SEC14L2: variants seen among roughly 807,000 people sequenced by gnomAD.
The protein encoded by SEC14L2 is SEC14 like lipid binding 2.
A neutral mutation model predicts 56.9 loss-of-function variants in SEC14L2; 50 were observed. That is an observed-to-expected ratio of 0.88 (90% CI 0.70 to 1.11). The LOEUF is 1.11. SEC14L2 is among the 50% of genes most tolerant of loss of function. The pLI is 0.00. For missense variants in SEC14L2, 414 were observed against 500.7 expected (o/e 0.83, Z 1.65); for synonymous variants, 179 against 188.5 (o/e 0.95, Z 0.41).
chr22:30,414,215 C>A (rs1203812451), intron 8 of SEC14L2, among the ~76,000 whole-genome samples: 1 of 152,170 alleles, frequency 6.6e-6, no homozygotes, highest in Non-Finnish European at 1.5e-5. Flanking sequence ...TCCAGCTGGA[C>A]TGGGGGAAGA....
chr22:30,411,764 G>A (rs1474084069), intron 8 of SEC14L2, among the ~76,000 whole-genome samples: 1 of 49,212 alleles, frequency 2.0e-5, no homozygotes, highest in Non-Finnish European at 4.2e-5. Context: ...AAAAAAAAGG[G>A]GTCCCTTGAA....
Position 30,415,837 on chromosome 22 carries a change from C to A in SEC14L2, c.743C>A (p.Pro248His). 1 of 1,614,186 alleles carries A rather than the reference C, an allele frequency of 6.2e-7. No homozygotes were observed. The highest frequency in any genetic ancestry group is 1.3e-5 in the African/African-American group (1 of 75,010). ...PVEYGGTMTD[P>H]DGNPKCKSKI... ...GAGTATGGGGGCACCATGACTGACC[C>A]TGATGGAAACCCCAAGTGCAAATCC... Residue 248 changes from proline to histidine, a missense_variant, in exon 9 of 12, where the codon CCT (proline) becomes CAT (histidine). Transcript: ENST00000615189.
intron 3 of SEC14L2, among the ~76,000 whole-genome samples, chr22:30,406,607 C>T: frequency 6.6e-6 from 1 of 152,164 alleles, no homozygotes; most frequent in East Asian, 1.9e-4. Flanking sequence ...CTGCTAAGAC[C>T]TCTAAAACAG....
rs1309046654 is a variant in SEC14L2, at chr22:30,399,372, A to G, written c.55-271A>G. On this transcript the variant is annotated intron_variant, in intron 1 of 11. Transcript: ENST00000615189. ...TCTACTAAAAATACAAAAAATAGCCAGGCGTGTTGGCAGGCCCCTGTAGTC... is the reference window on the plus strand; with the variant it reads ...TCTACTAAAAATACAAAAAATAGCCGGGCGTGTTGGCAGGCCCCTGTAGTC... 2.6e-5 allele frequency among the ~76,000 whole-genome samples: 4 copies of G among 151,930 alleles called. 1 individual carries two copies. The highest frequency in any genetic ancestry group is 2.6e-4 in the Admixed American group (4 of 15,246).
intron 5 of SEC14L2, among the ~76,000 whole-genome samples, chr22:30,408,761 G>A (rs1213526827): frequency 2.0e-5 from 3 of 152,212 alleles, no homozygotes; most frequent in South Asian, 2.1e-4. Context: ...CCTACTGTGC[G>A]CAGAGACCCT....
Position 30,409,371 on chromosome 22 carries a change from G to C in SEC14L2, c.520-55G>C. The C allele has an allele frequency of 3.1e-6, 5 of 1,605,550 alleles. No homozygotes were observed. The South Asian group carries it at 5.5e-5, about 18-fold the overall frequency. On this transcript the variant is annotated intron_variant, in intron 6 of 11. Coordinates refer to ENST00000615189, the MANE Select transcript of SEC14L2 (RefSeq NM_012429.5). Reference sequence around the variant, plus strand: ...TAGGCTGTCCTGTGGGATGGGTGAGGCAATGGGGGCAGATTCTGAGCCTGC... The same window carrying C: ...TAGGCTGTCCTGTGGGATGGGTGAGCCAATGGGGGCAGATTCTGAGCCTGC...
At chr22:30,416,939 C>T in intron 11 of SEC14L2, 2 of 805,612 alleles carry the variant, frequency 2.5e-6, no homozygotes, top group Non-Finnish European at 3.0e-6. Flanking sequence ...TCTCTCTTAA[C>T]TTTGTAATAC....
At chr22:30,407,237 C>A in intron 4 of SEC14L2, 83 bp downstream of exon 4, 1 of 1,546,150 alleles carries the variant, frequency 6.5e-7, no homozygotes, top group Non-Finnish European at 8.9e-7. Context: ...GGATTTGGAT[C>A]CTTAGAGGAA....
intron 8 of SEC14L2, among the ~76,000 whole-genome samples, chr22:30,413,688 T>C (rs1427763631): frequency 1.3e-5 from 2 of 152,074 alleles, no homozygotes; most frequent in East Asian, 3.8e-4. Flanking sequence ...ACACGAGAAT[T>C]GGAGATTTTC....
chr22:30,409,356 T>C, intron 6 of SEC14L2, 70 bp from the exon 7 acceptor site: 2 of 1,605,208 alleles, frequency 1.2e-6, no homozygotes, highest in Non-Finnish European at 1.7e-6. Context: ...TAGGCTGTCC[T>C]GTGGGATGGG....
intron 2 of SEC14L2, among the ~76,000 whole-genome samples, chr22:30,402,740 G>T (rs200105871): frequency 6.3e-5 from 9 of 143,630 alleles, no homozygotes; most frequent in South Asian, 4.4e-4. Flanking sequence ...TCTCAATTGG[G>T]TTTTTTTTTT....
chr22:30,400,335 A>G (rs1041590765), intron 2 of SEC14L2: 1 of 152,372 alleles, frequency 6.6e-6, no homozygotes, highest in Admixed American at 6.5e-5. Flanking sequence ...ATACTTCCCT[A>G]GGATCCTCCT....
chr22:30,398,812 G>A (rs756106619), intron 1 of SEC14L2: 18 of 469,656 alleles, frequency 3.8e-5, no homozygotes, highest in Non-Finnish European at 8.8e-6. Flanking sequence ...GACTCAGACA[G>A]ACCCGGGTTT....
chr22:30,400,304 G>A (rs1055720711), intron 2 of SEC14L2: 2 of 152,814 alleles, frequency 1.3e-5, no homozygotes, highest in Admixed American at 6.5e-5. Flanking sequence ...CAGCCTGGCT[G>A]TGGTGCCTTG....
chr22:30,404,009 C>CAAAAAAAAAAAAAAAAAAAAAAAAAAA, intron 2 of SEC14L2, among the ~76,000 whole-genome samples: 1 of 93,222 alleles, frequency 1.1e-5, no homozygotes, highest in Non-Finnish European at 2.1e-5. Flanking sequence ...GACTCCGTCT[C>CAAAAAAAAAAAAAAAAAAAAAAAAAAA]AAAAAAAAAA....
intron 8 of SEC14L2, among the ~76,000 whole-genome samples, chr22:30,412,685 T>A (rs956190464): frequency 6.6e-6 from 1 of 150,796 alleles, no homozygotes; most frequent in Non-Finnish European, 1.5e-5. Context: ...TTAGCCAGGT[T>A]TGGTGGTGTG....
intron 8 of SEC14L2, among the ~76,000 whole-genome samples, chr22:30,414,777 AAAG>A (rs1263619538): frequency 1.3e-5 from 2 of 152,178 alleles, no homozygotes; most frequent in African/African-American, 4.8e-5. Context: ...AAAAAAAAAA[AAAG>A]AGCCAAATTA....
chr22:30,410,718 C>G (rs759146532), intron 8 of SEC14L2, 39 bp downstream of exon 8: 2 of 1,582,310 alleles, frequency 1.3e-6, no homozygotes, highest in African/African-American at 2.7e-5. Flanking sequence ...AAAGGAGGGT[C>G]TGTAGCCTAA....
intron 8 of SEC14L2, among the ~76,000 whole-genome samples, chr22:30,414,198 C>G (rs1934327389): frequency 6.6e-6 from 1 of 152,164 alleles, no homozygotes; most frequent in African/African-American, 2.4e-5. Context: ...TGGCCTTATC[C>G]CAACTCTCCA....
Sources: gnomAD v4.1 joint callset for allele counts (sites outside exome capture counted in the v4.1 genomes callset) on GRCh38, gnomAD v4.1.1 for gene constraint, MANE v1.5 for transcripts, NCBI Gene and HGNC (gene_info 2026-07-23, HGNC 2026-07-21) for gene names.